Variants in CLIC6 observed in about 807,000 individuals in gnomAD.
CLIC6 encodes the protein CLIC family member 6, also known as chloride intracellular channel protein 6.
In CLIC6, 39 loss-of-function variants were observed where a neutral mutation model predicts 49.2. That is an observed-to-expected ratio of 0.79 (90% confidence interval 0.61 to 1.04). The LOEUF (loss-of-function observed/expected upper bound fraction) is 1.04. CLIC6 is among the 50% of genes least tolerant of loss of function. The pLI is 0.00. For synonymous variants in CLIC6, 446 were observed against 433.4 expected (o/e 1.03, Z -0.36); for missense variants, 988 against 993.1 (o/e 0.99, Z 0.07).
At chr21:34,676,394 A>G (rs1989671234) in intron 1 of CLIC6, among the ~76,000 whole-genome samples, 1 of 152,256 alleles carries the variant, frequency 6.6e-6, no homozygotes, top group African/African-American at 2.4e-5. Flanking sequence ...CTGGGGACAC[A>G]TTGGTAAGCA....
intron 1 of CLIC6, among the ~76,000 whole-genome samples, chr21:34,697,701 C>A (rs1990112069): frequency 6.6e-6 from 1 of 152,226 alleles, no homozygotes. Flanking sequence ...AAAATCAGGA[C>A]AGTCCTGGGC....
intron 1 of CLIC6, among the ~76,000 whole-genome samples, chr21:34,683,357 G>C (rs964403309): frequency 6.6e-6 from 1 of 152,124 alleles, no homozygotes; most frequent in African/African-American, 2.4e-5. Flanking sequence ...AATATCACCT[G>C]TGATGCAGTG....
intron 1 of CLIC6, among the ~76,000 whole-genome samples, chr21:34,682,358 G>A (rs930550454): frequency 3.3e-4 from 50 of 152,152 alleles, no homozygotes; most frequent in Admixed American, 2.9e-3. Context: ...TGAAAATAAT[G>A]TCCATTGTCA....
At chr21:34,705,950 A>G (rs28410581) in intron 1 of CLIC6, 1 of 584,218 alleles carries the variant, frequency 1.7e-6, no homozygotes, top group Non-Finnish European at 3.1e-6. Flanking sequence ...CCTAGGCCCC[A>G]TGCAGCAGGA....
At chr21:34,693,969 TGTTTTC>T in intron 1 of CLIC6, among the ~76,000 whole-genome samples, 4 of 142,610 alleles carry the variant, frequency 2.8e-5, no homozygotes, top group Non-Finnish European at 6.0e-5. Context: ...TTGTTGTTGT[TGTTTTC>T]TTTTTTTTTT....
At chr21:34,671,545 A>G (rs1407051732) in intron 1 of CLIC6, among the ~76,000 whole-genome samples, 1 of 152,234 alleles carries the variant, frequency 6.6e-6, no homozygotes, top group Non-Finnish European at 1.5e-5. Context: ...GAATTTAAAC[A>G]GGAATTATTT....
intron 1 of CLIC6, among the ~76,000 whole-genome samples, chr21:34,702,596 TC>T (rs2055987632): frequency 6.6e-6 from 1 of 152,138 alleles, no homozygotes; most frequent in Non-Finnish European, 1.5e-5. Flanking sequence ...ACACCCAGCC[TC>T]CATGGGCAGG....
chr21:34,698,416 G>A (rs544522413), intron 1 of CLIC6, among the ~76,000 whole-genome samples: 2 of 151,462 alleles, frequency 1.3e-5, no homozygotes, highest in East Asian at 1.9e-4. Flanking sequence ...GAAGGAGGAA[G>A]GAAGGGAGGG....
At chr21:34,684,863 C>A (rs2834576) in intron 1 of CLIC6, among the ~76,000 whole-genome samples, 40,956 of 152,042 alleles carry the variant, frequency 0.27, 6,327 homozygotes, top group African/African-American at 0.42. Flanking sequence ...AAGGAGCAGC[C>A]CTTATTTTTA....
intron 1 of CLIC6, among the ~76,000 whole-genome samples, chr21:34,673,418 T>C (rs1024133604): frequency 2.6e-5 from 4 of 152,042 alleles, no homozygotes; most frequent in African/African-American, 9.7e-5. Flanking sequence ...GCCTCCTGAG[T>C]CGCTGAGACT....
At position 34,669,372 on chromosome 21, in the gene CLIC6, G is replaced by T; in HGVS notation, c.-17G>T. The T allele has an allele frequency of 8.1e-7, 1 of 1,237,578 alleles. No homozygotes were observed. Among genetic ancestry groups the T allele is most frequent in the South Asian group, 4.1e-5 (1 of 24,586 alleles). 76.7% of individuals were successfully genotyped at this position (1,237,578 alleles called of 1,614,324 possible). ...CGTCAAGGAAGGAGTCCCGATCAAG[G>T]ACAGGGATCTGCGGCCATGGCCGAG... On this transcript the variant is annotated 5_prime_UTR_variant, in exon 1 of 6. Coordinates refer to ENST00000349499, the MANE Select transcript of CLIC6 (RefSeq NM_053277.3).
At chr21:34,705,226 C>T (rs976172213) in intron 1 of CLIC6, among the ~76,000 whole-genome samples, 5 of 152,188 alleles carry the variant, frequency 3.3e-5, no homozygotes, top group African/African-American at 4.8e-5. Flanking sequence ...CTTGGCTTGA[C>T]TGCTCAAACC....
chr21:34,688,914 A>G (rs1446342902), intron 1 of CLIC6, among the ~76,000 whole-genome samples: 2 of 152,198 alleles, frequency 1.3e-5, no homozygotes, highest in South Asian at 4.1e-4. Flanking sequence ...AAGGTGTCCA[A>G]GTCCCTTCTA....
chr21:34,670,412 T>G lies in CLIC6; in HGVS notation c.1024T>G (p.Ser342Ala). The G allele has an allele frequency of 6.9e-7, 1 of 1,456,006 alleles. No homozygotes were observed. Among genetic ancestry groups the G allele is most frequent in the South Asian group, 1.4e-5 (1 of 69,172 alleles). The allele number at this position is 1,456,006 out of a possible 1,614,324, so 90.2% of individuals were successfully genotyped here. ...EEAEVPGVKG[S>A]EEAAPGDARA... Reference sequence around the variant, plus strand: ...GGCGGAGGTCCCGGGGGTAAAGGGGTCCGAAGAAGCGGCCCCCGGGGACGC... The same window carrying G: ...GGCGGAGGTCCCGGGGGTAAAGGGGGCCGAAGAAGCGGCCCCCGGGGACGC... Residue 342 changes from serine to alanine, a missense_variant, in exon 1 of 6, where the codon TCC (serine) becomes GCC (alanine). Ser to Ala is a moderately conservative substitution (Grantham distance 99). Transcript: ENST00000349499.
At chr21:34,714,813 G>A (rs553549902) in intron 5 of CLIC6, among the ~76,000 whole-genome samples, 17 of 152,060 alleles carry the variant, frequency 1.1e-4, no homozygotes, top group African/African-American at 3.6e-4. Context: ...CCAGAAAGAG[G>A]GACACACACA....
At chr21:34,707,437 G>GCACACACA (rs10657933) in intron 2 of CLIC6, 48 bp downstream of exon 2, 15,058 of 731,920 alleles carry the variant, frequency 0.021, 132 homozygotes, top group African/African-American at 0.057. Flanking sequence ...CTAGTTCTCT[G>GCACACACA]CACACACACA....
intron 5 of CLIC6, among the ~76,000 whole-genome samples, chr21:34,712,009 G>A (rs1601289614): frequency 6.6e-6 from 1 of 152,230 alleles, no homozygotes; most frequent in South Asian, 2.1e-4. Flanking sequence ...AAGAAGAGGG[G>A]GAGAAATATC....
At chr21:34,683,230 A>G (rs1044761566) in intron 1 of CLIC6, among the ~76,000 whole-genome samples, 2 of 152,230 alleles carry the variant, frequency 1.3e-5, no homozygotes, top group African/African-American at 4.8e-5. Context: ...CTGTACAGAC[A>G]GGAGGATCAC....
chr21:34,685,122 G>GT (rs1989852013), intron 1 of CLIC6, among the ~76,000 whole-genome samples: 1 of 152,154 alleles, frequency 6.6e-6, no homozygotes, highest in South Asian at 2.1e-4. Flanking sequence ...CTTTGGTGGG[G>GT]TGGCAGGGTG....
Sources: allele counts gnomAD v4.1 joint callset (sites outside exome capture counted in the v4.1 genomes callset), GRCh38; gene constraint gnomAD v4.1.1; transcripts MANE v1.5; gene names NCBI Gene and HGNC (gene_info 2026-07-23, HGNC 2026-07-21).